Variants in LDLRAD4 observed in about 807,000 individuals in gnomAD.
The protein encoded by LDLRAD4 is low-density lipoprotein receptor class A domain-containing protein 4.
A neutral mutation model predicts 17.0 loss-of-function variants in LDLRAD4; 5 were observed. That is an observed-to-expected ratio of 0.29 (90% CI 0.15 to 0.62). LDLRAD4 has a LOEUF of 0.62. LDLRAD4 is among the 20% of genes least tolerant of loss of function. The pLI, the probability that LDLRAD4 is intolerant of heterozygous loss-of-function variation, is 0.84. For synonymous variants in LDLRAD4, 168 were observed against 171.8 expected (o/e 0.98, Z 0.17); for missense variants, 340 against 424.7 (o/e 0.80, Z 1.75).
chr18:13,389,733 C>T lies in LDLRAD4; in HGVS notation c.40+1971C>T, dbSNP rs2086121710. 2.6e-5 allele frequency among the ~76,000 whole-genome samples: 4 copies of T among 152,146 alleles called. No individual in the cohort carries two copies. In the South Asian group the frequency reaches 8.3e-4, roughly 32 times the overall value. On this transcript the variant is annotated intron_variant, in intron 2 of 5. Transcript: ENST00000359446. ...GGTCCACGTGGCTCCCACTGAGACA[C>T]CCACGCCATCCTCACACTCTGGGGT...
At chr18:13,258,273 C>T (rs930551825) in intron 1 of LDLRAD4, among the ~76,000 whole-genome samples, 2 of 152,150 alleles carry the variant, frequency 1.3e-5, no homozygotes, top group East Asian at 1.9e-4. Context: ...ACTTTTCTTC[C>T]ATGCTTCCGT....
At chr18:13,261,113 G>A (rs182231661) in intron 1 of LDLRAD4, among the ~76,000 whole-genome samples, 6 of 152,294 alleles carry the variant, frequency 3.9e-5, no homozygotes, top group Admixed American at 2.0e-4. Context: ...GCTCAGCTAC[G>A]ATGGACTGTG....
At chr18:13,569,458 C>A (rs1321135131) in intron 3 of LDLRAD4, among the ~76,000 whole-genome samples, 1 of 152,214 alleles carries the variant, frequency 6.6e-6, no homozygotes, top group Non-Finnish European at 1.5e-5. Flanking sequence ...CTTCACTTTA[C>A]TTTAAAATGA....
At chr18:13,223,435 C>G (rs930970580) in intron 1 of LDLRAD4, among the ~76,000 whole-genome samples, 14 of 152,166 alleles carry the variant, frequency 9.2e-5, no homozygotes, top group Admixed American at 6.5e-4. Context: ...TTTTGCCACA[C>G]TGTGTGGCTT....
At chr18:13,605,077 A>G (rs542853190) in intron 3 of LDLRAD4, among the ~76,000 whole-genome samples, 72 of 152,352 alleles carry the variant, frequency 4.7e-4, no homozygotes, top group South Asian at 1.7e-3. Flanking sequence ...CTGTCTTTAC[A>G]AGAAGTCTGC....
At chr18:13,441,719 G>A (rs1455226394) in intron 3 of LDLRAD4, among the ~76,000 whole-genome samples, 2 of 152,206 alleles carry the variant, frequency 1.3e-5, no homozygotes, top group African/African-American at 4.8e-5. Context: ...ACTGTTATTT[G>A]TAAAGCCAGC....
At chr18:13,502,082 C>T (rs1053332526) in intron 3 of LDLRAD4, among the ~76,000 whole-genome samples, 4 of 152,068 alleles carry the variant, frequency 2.6e-5, no homozygotes, top group Admixed American at 6.5e-5. Context: ...GGCTTTGAAC[C>T]GTCACCAGAG....
intron 3 of LDLRAD4, among the ~76,000 whole-genome samples, chr18:13,524,350 A>C (rs965288902): frequency 2.0e-5 from 3 of 152,172 alleles, no homozygotes; most frequent in Non-Finnish European, 4.4e-5. Context: ...ATTCTGTTAC[A>C]CCTGTTTAAT....
At chr18:13,322,952 G>A (rs1216330118) in intron 1 of LDLRAD4, among the ~76,000 whole-genome samples, 1 of 152,084 alleles carries the variant, frequency 6.6e-6, no homozygotes, top group Non-Finnish European at 1.5e-5. Context: ...GTACTCGGCT[G>A]TACCCCTTAC....
At chr18:13,466,757 G>C (rs898578910) in intron 3 of LDLRAD4, among the ~76,000 whole-genome samples, 2 of 152,226 alleles carry the variant, frequency 1.3e-5, no homozygotes. Context: ...GGAAGTCTGA[G>C]ATCGGGGCAC....
At chr18:13,554,811 A>G (rs554500327) in intron 3 of LDLRAD4, among the ~76,000 whole-genome samples, 1 of 152,174 alleles carries the variant, frequency 6.6e-6, no homozygotes, top group East Asian at 1.9e-4. Flanking sequence ...GAGGGAGCCT[A>G]ACCCTGGCTC....
intron 1 of LDLRAD4, among the ~76,000 whole-genome samples, chr18:13,252,863 C>T (rs4797754): frequency 2.6e-5 from 4 of 152,148 alleles, no homozygotes; most frequent in African/African-American, 9.7e-5. Context: ...TGCGCTGTTC[C>T]TAGAATAGTG....
At chr18:13,456,004 G>A (rs1405267183) in intron 3 of LDLRAD4, among the ~76,000 whole-genome samples, 1 of 152,140 alleles carries the variant, frequency 6.6e-6, no homozygotes, top group Admixed American at 6.5e-5. Flanking sequence ...CATGTCCCGC[G>A]CTGTCTGCAT....
At chr18:13,473,167 T>A (rs1407819316) in intron 3 of LDLRAD4, among the ~76,000 whole-genome samples, 2 of 149,630 alleles carry the variant, frequency 1.3e-5, no homozygotes, top group Non-Finnish European at 2.9e-5. Flanking sequence ...CTAAAGATCA[T>A]ACATCAGGTG....
intron 4 of LDLRAD4, among the ~76,000 whole-genome samples, chr18:13,640,881 AG>A (rs2042491613): frequency 6.6e-6 from 1 of 152,248 alleles, no homozygotes; most frequent in Admixed American, 6.5e-5. Flanking sequence ...GAAAGAATTT[AG>A]TTACTTATTT....
intron 1 of LDLRAD4, among the ~76,000 whole-genome samples, chr18:13,382,303 A>G (rs1466594689): frequency 6.6e-6 from 1 of 152,192 alleles, no homozygotes; most frequent in African/African-American, 2.4e-5. Context: ...TGAAAGATAT[A>G]ATACGGACAC....
At chr18:13,569,789 G>T (rs1002530216) in intron 3 of LDLRAD4, among the ~76,000 whole-genome samples, 1 of 152,208 alleles carries the variant, frequency 6.6e-6, no homozygotes, top group Non-Finnish European at 1.5e-5. Flanking sequence ...GGAGGCTGAG[G>T]CAGGAGAATC....
intron 1 of LDLRAD4, among the ~76,000 whole-genome samples, chr18:13,224,104 T>A (rs144896227): frequency 6.6e-6 from 1 of 152,350 alleles, no homozygotes; most frequent in African/African-American, 2.4e-5. Context: ...CCCCTGTTTT[T>A]AATCCTAATC....
chr18:13,531,435 C>T (rs2147818652), intron 3 of LDLRAD4, among the ~76,000 whole-genome samples: 1 of 83,022 alleles, frequency 1.2e-5, no homozygotes, highest in South Asian at 6.3e-4. Context: ...CATAGTGAGA[C>T]CCCATATCTA....
Sources: gnomAD v4.1 joint callset for allele counts (sites outside exome capture counted in the v4.1 genomes callset) on GRCh38, gnomAD v4.1.1 for gene constraint, MANE v1.5 for transcripts, NCBI Gene and HGNC (gene_info 2026-07-23, HGNC 2026-07-21) for gene names.